Variants in TBC1D30 observed in about 807,000 individuals in gnomAD.
TBC1D30 encodes the protein TBC1 domain family, member 30.
TBC1D30 carries 31 observed loss-of-function variants against 63.2 expected under a neutral mutation model. That is an observed-to-expected ratio of 0.49 (90% confidence interval 0.37 to 0.66). The LOEUF (loss-of-function observed/expected upper bound fraction) is 0.66, where lower values mean the gene tolerates loss of function less well. TBC1D30 is among the 30% of genes least tolerant of loss of function. TBC1D30 has a pLI of 0.00. For synonymous variants in TBC1D30, 307 were observed against 361.5 expected, an observed-to-expected ratio of 0.85 and a Z score of 1.71; for missense variants, 810 against 953.6, an observed-to-expected ratio of 0.85 and a Z score of 1.98.
At chr12:64,852,271 C>A (rs10047615) in intron 8 of TBC1D30, among the ~76,000 whole-genome samples, 6,482 of 151,974 alleles carry the variant, frequency 0.043, 446 homozygotes, top group African/African-American at 0.15. Context: ...TCTCTGATAT[C>A]CTTTCTTCCG....
At chr12:64,872,624 T>C (rs921982564) in intron 11 of TBC1D30, among the ~76,000 whole-genome samples, 3 of 152,224 alleles carry the variant, frequency 2.0e-5, no homozygotes, top group African/African-American at 7.2e-5. Flanking sequence ...AATTATATGT[T>C]TCTAACAAGC....
At chr12:64,779,506 G>A (rs928747025), upstream of TBC1D30, among the ~76,000 whole-genome samples, 1 of 151,946 alleles carries the variant, frequency 6.6e-6, no homozygotes, top group African/African-American at 2.4e-5. Context: ...GTTTCAAAAA[G>A]GGCCCTTTTA....
intron 1 of TBC1D30, among the ~76,000 whole-genome samples, chr12:64,785,663 A>G (rs981543997): frequency 1.3e-5 from 2 of 152,224 alleles, no homozygotes; most frequent in Non-Finnish European, 2.9e-5. Context: ...GCTTAAGGAT[A>G]AATTTACCTT....
exon 1 of TBC1D30, chr12:64,759,511 G>T (rs911550316): frequency 1.4e-5 from 7 of 508,156 alleles, no homozygotes; most frequent in South Asian, 1.3e-4. Flanking sequence ...GGCGCAGCCT[G>T]GAGGGAGGCA....
At chr12:64,873,497 T>C (rs1878813302) in intron 11 of TBC1D30, among the ~76,000 whole-genome samples, 1 of 151,876 alleles carries the variant, frequency 6.6e-6, no homozygotes, top group Non-Finnish European at 1.5e-5. Flanking sequence ...GAGGGAGTGA[T>C]CTAAGCGGTC....
At chr12:64,860,174 G>A (rs1039489763) in intron 8 of TBC1D30, among the ~76,000 whole-genome samples, 4 of 151,806 alleles carry the variant, frequency 2.6e-5, no homozygotes, top group African/African-American at 9.7e-5. Flanking sequence ...TGTGCCACCA[G>A]GCTGGGCTAA....
intron 1 of TBC1D30, among the ~76,000 whole-genome samples, chr12:64,775,379 G>A (rs1480930836): frequency 6.6e-6 from 1 of 152,104 alleles, no homozygotes; most frequent in Non-Finnish European, 1.5e-5. Flanking sequence ...CTGTCTTCAA[G>A]AGACCCATCT....
intron 8 of TBC1D30, among the ~76,000 whole-genome samples, chr12:64,862,209 G>A (rs529264090): frequency 6.6e-6 from 1 of 152,284 alleles, no homozygotes; most frequent in East Asian, 1.9e-4. Context: ...CCAAGGTGGA[G>A]GCCTAAAGAT....
chr12:64,787,328 A>C, intron 2 of TBC1D30: 2 of 978,446 alleles, frequency 2.0e-6, no homozygotes, highest in Non-Finnish European at 2.4e-6. Flanking sequence ...ACATTTAACT[A>C]TTTTTGTTTT....
rs538397921 is a variant in TBC1D30 at position 64,869,595 on chromosome 12, G to A, written c.1292-1007G>A. Among the ~76,000 whole-genome samples the A allele has an allele frequency of 6.6e-5, 10 of 152,014 alleles. No homozygotes were observed. In the South Asian group the frequency reaches 1.0e-3, roughly 16 times the overall value. ...TTAATGGTAAAGTTTTTGAATCTGC[G>A]TTTCTGTAGCCTGGGTCTATGTTTC... On this transcript the variant is annotated intron_variant, in intron 10 of 11. Transcript: ENST00000539867.
chr12:64,875,061 AC>A lies in TBC1D30; in HGVS notation c.1561del (p.Leu521PhefsTer3). ...GTAAACAGTTCTCCAGTTATAAACCACCTTCTTTTAGGAAAGAAGATGAAAA... is the reference window on the plus strand; with the variant it reads ...GTAAACAGTTCTCCAGTTATAAACCACTTCTTTTAGGAAAGAAGATGAAAA... ...SQVNSSPVIN[H>X]LLLGKKMKMT... is the part of the protein sequence containing the mutation. On this transcript the variant is annotated frameshift_variant, in exon 12 of 12. Transcript: ENST00000539867. LOFTEE classifies it low-confidence loss of function (END_TRUNC). The A allele has an allele frequency of 6.5e-7, 1 of 1,536,698 alleles. No homozygotes were observed. The highest frequency in any genetic ancestry group is 8.7e-7 in the Non-Finnish European group (1 of 1,147,020).
At chr12:64,779,775 T>G (rs1871181045), upstream of TBC1D30, among the ~76,000 whole-genome samples, 1 of 152,224 alleles carries the variant, frequency 6.6e-6, no homozygotes, top group Non-Finnish European at 1.5e-5. Flanking sequence ...TTTAGCCTCT[T>G]CGTGCCTCAG....
chr12:64,779,037 C>G (rs1228040697), upstream of TBC1D30: 1 of 152,154 alleles, frequency 6.6e-6, no homozygotes, highest in Non-Finnish European at 1.5e-5. Flanking sequence ...ATGTCAATAA[C>G]CTATTGTTTT....
Position 64,875,027 on chromosome 12 carries a change from C to T in TBC1D30, c.1525C>T (p.Pro509Ser). Residue 509 changes from proline (P) to serine (S), a missense_variant, in exon 12 of 12, where the codon CCG (proline) becomes TCG (serine). Pro to Ser is a moderately conservative substitution (Grantham distance 74). This residue lies in a region of TBC1D30 where 450 missense variants were observed against 473.0 expected (regional missense o/e 0.95). Transcript: ENST00000539867. ...CAAAGGGCCAGTGACCAGCATTCTCCCGTCTCAGGTAAACAGTTCTCCAGT... is the reference window on the plus strand; with the variant it reads ...CAAAGGGCCAGTGACCAGCATTCTCTCGTCTCAGGTAAACAGTTCTCCAGT... ...ADKGPVTSILPSQVNSSPVIN... is the reference protein window; with the variant it reads ...ADKGPVTSILSSQVNSSPVIN... The T allele has an allele frequency of 1.3e-6, 2 of 1,536,588 alleles. No homozygotes were observed. The highest frequency in any genetic ancestry group is 1.2e-5 in the South Asian group (1 of 84,050).
intron 7 of TBC1D30, among the ~76,000 whole-genome samples, chr12:64,841,689 G>A (rs551941204): frequency 6.6e-6 from 1 of 152,284 alleles, no homozygotes; most frequent in East Asian, 1.9e-4. Flanking sequence ...CCCCAGATAA[G>A]GCCTGCTGTC....
intron 11 of TBC1D30, among the ~76,000 whole-genome samples, chr12:64,872,687 A>G (rs1332324250): frequency 2.0e-5 from 3 of 152,200 alleles, no homozygotes; most frequent in Admixed American, 6.5e-5. Flanking sequence ...CTGTTTTCAC[A>G]CTGCAAATAA....
intron 10 of TBC1D30, among the ~76,000 whole-genome samples, chr12:64,870,188 T>C (rs942234953): frequency 2.0e-5 from 3 of 152,220 alleles, no homozygotes; most frequent in Non-Finnish European, 4.4e-5. Flanking sequence ...TTAATGACTG[T>C]CTAAACTCTA....
At chr12:64,811,966 G>A (rs752848768) in intron 2 of TBC1D30, among the ~76,000 whole-genome samples, 23 of 152,168 alleles carry the variant, frequency 1.5e-4, no homozygotes, top group Non-Finnish European at 3.2e-4. Flanking sequence ...GCTTTCAAGT[G>A]AGACAGACCT....
chr12:64,862,709 A>G lies in TBC1D30; in HGVS notation c.1039-1959A>G, dbSNP rs150570141. Among the ~76,000 whole-genome samples, 4 of 152,332 alleles carry G rather than the reference A, an allele frequency of 2.6e-5. No individual in the cohort carries two copies. The East Asian group carries it at 7.7e-4, about 29-fold the overall frequency. The stretch of plus-strand genomic sequence containing the variant: ...AGACATCTTATTTCACTTGTAAGGA[A>G]TTTTGAAATTCTTAGCATCAAAAAT... On this transcript the variant is annotated intron_variant, in intron 8 of 11. Transcript: ENST00000539867.
Sources: allele counts gnomAD v4.1 joint callset (sites outside exome capture counted in the v4.1 genomes callset), GRCh38; gene constraint gnomAD v4.1.1; regional missense constraint gnomAD v4.1.1; transcripts MANE v1.5; gene names NCBI Gene and HGNC (gene_info 2026-07-23, HGNC 2026-07-21).